Variants in YARS1 observed in about 807,000 individuals in gnomAD.
YARS1 encodes the protein tyrosine--tRNA ligase, cytoplasmic.
Under a neutral mutation model 62.2 loss-of-function variants are expected in YARS1, and 36 were observed. That is an observed-to-expected ratio of 0.58 (90% confidence interval 0.44 to 0.76). YARS1 has a LOEUF of 0.76. Ranked by LOEUF, YARS1 falls within the 30% of genes least tolerant of loss-of-function variation. The pLI is 0.00. For synonymous variants in YARS1, 234 were observed against 244.9 expected (o/e 0.96, Z 0.42); for missense variants, 524 against 639.8 (o/e 0.82, Z 1.95).
chr1:32,790,341 T>A (rs1192531531), intron 6 of YARS1, among the ~76,000 whole-genome samples: 2 of 149,750 alleles, frequency 1.3e-5, no homozygotes, highest in African/African-American at 4.9e-5. Flanking sequence ...ACCCCATCTC[T>A]ACTAAAAAAA....
At chr1:32,781,540 C>A in intron 9 of YARS1, 1 of 178,746 alleles carries the variant, frequency 5.6e-6, no homozygotes, top group Non-Finnish European at 1.2e-5. Context: ...GCAACAGAGC[C>A]AGACTCTGTC....
At chr1:32,813,048 G>A (rs924777565) in intron 1 of YARS1, among the ~76,000 whole-genome samples, 4 of 151,434 alleles carry the variant, frequency 2.6e-5, no homozygotes, top group African/African-American at 9.7e-5. Context: ...TTCAGGCAGA[G>A]TTTAACTCTT....
intron 1 of YARS1, among the ~76,000 whole-genome samples, chr1:32,815,444 G>A (rs1459362925): frequency 6.6e-6 from 1 of 152,172 alleles, no homozygotes; most frequent in South Asian, 2.1e-4. Flanking sequence ...TATGGAGAGA[G>A]AATAGGAAAC....
At chr1:32,785,045 A>G (rs1653175852) in intron 8 of YARS1, among the ~76,000 whole-genome samples, 1 of 152,198 alleles carries the variant, frequency 6.6e-6, no homozygotes, top group Admixed American at 6.5e-5. Flanking sequence ...CAGCCTGCTA[A>G]GTCATTTGGA....
At position 32,777,542 on chromosome 1, in the gene YARS1, C is replaced by T. The variant is rs552704978; in HGVS notation, c.1477-1451G>A. ...AGGAGAATTGCTTGAACCTGGGAGG[C>T]GGAGGTTGCAGTGAGCTGAGATTGT... On this transcript the variant is annotated intron_variant, in intron 12 of 12. Transcript: ENST00000373477. 5.0e-3 allele frequency among the ~76,000 whole-genome samples: 756 copies of T among 152,228 alleles called. 5 individuals are homozygous for T. The Middle Eastern group carries it at 0.061, about 12-fold the overall frequency.
At chr1:32,778,800 G>A (rs1490504001) in intron 12 of YARS1, among the ~76,000 whole-genome samples, 1 of 147,534 alleles carries the variant, frequency 6.8e-6, no homozygotes, top group Admixed American at 6.9e-5. Flanking sequence ...GTGCAATGGC[G>A]TGATCTTGGC....
chr1:32,792,875 A>T (rs1653457999), intron 5 of YARS1, among the ~76,000 whole-genome samples: 1 of 150,982 alleles, frequency 6.6e-6, no homozygotes, highest in South Asian at 2.1e-4. Flanking sequence ...GCGAGACTCC[A>T]TCTCAAAAAA....
intron 8 of YARS1, among the ~76,000 whole-genome samples, chr1:32,784,478 T>C (rs570036962): frequency 1.3e-5 from 2 of 152,172 alleles, no homozygotes; most frequent in African/African-American, 4.8e-5. Context: ...TTTTAGACTC[T>C]AGTCAGACCA....
At chr1:32,810,032 G>A (rs1177248937) in intron 3 of YARS1, among the ~76,000 whole-genome samples, 1 of 151,796 alleles carries the variant, frequency 6.6e-6, no homozygotes, top group African/African-American at 2.4e-5. Flanking sequence ...CTTGAACCCA[G>A]GAGGCAGAGG....
chr1:32,791,404 A>G (rs1368470499), intron 5 of YARS1, 150 bp from the exon 6 acceptor site: 1 of 707,422 alleles, frequency 1.4e-6, no homozygotes, highest in Non-Finnish European at 2.5e-6. Flanking sequence ...AGTGACTGTA[A>G]TTCAAGCGAA....
chr1:32,781,025 G>C (rs372979475), intron 10 of YARS1, 23 bp downstream of exon 10: 12 of 1,609,606 alleles, frequency 7.5e-6, no homozygotes, highest in Non-Finnish European at 1.0e-5. Flanking sequence ...CTGCCTCTCT[G>C]AGATGTGGTG....
intron 9 of YARS1, chr1:32,781,574 A>T (rs572994152): frequency 1.6e-3 from 273 of 174,568 alleles, no homozygotes; most frequent in African/African-American, 5.8e-3. Flanking sequence ...AAAAAAAAAA[A>T]TTTTACTGAG....
rs1652830721 is a variant in YARS1, at chr1:32,775,679, A to G, written c.*302T>C. 2.3e-6 allele frequency: 1 copy of G among 433,132 alleles called. No individual in the cohort carries two copies. Among genetic ancestry groups the G allele is most frequent in the Non-Finnish European group, 4.2e-6 (1 of 236,490 alleles). The allele number at this position is 433,132 out of a possible 1,614,324, so 26.8% of individuals were successfully genotyped here. On this transcript the variant is annotated 3_prime_UTR_variant, in exon 13 of 13. Transcript: ENST00000373477. Reference sequence around the variant, plus strand: ...TTTTTCCAATTATAAGGACTGTGGCATAAATTTTTAAATGAGTTATATTGA... The same window carrying G: ...TTTTTCCAATTATAAGGACTGTGGCGTAAATTTTTAAATGAGTTATATTGA...
In YARS1 at chr1:32,811,037, C is replaced by G; in HGVS notation, c.78G>C (p.Lys26Asn). ...RNLQEVLGEEKLKEILKEREL... is the reference protein window; with the variant it reads ...RNLQEVLGEENLKEILKEREL... ...CCCGCTCCTTCAGTATCTCCTTCAG[C>G]TTCTCTTCCCCCAGAACCTCCTATT... Residue 26 changes from lysine to asparagine, a missense_variant, in exon 2 of 13, where the codon AAG (lysine) becomes AAC (asparagine). Coordinates refer to ENST00000373477, the MANE Select transcript of YARS1 (RefSeq NM_003680.4). The G allele has an allele frequency of 6.2e-7, 1 of 1,614,194 alleles. No homozygotes were observed. The highest frequency in any genetic ancestry group is 8.5e-7 in the Non-Finnish European group (1 of 1,180,034).
rs1028059311 is a variant in YARS1, at chr1:32,791,091, G to C, written c.684+71C>G. 24 of 1,385,850 alleles carry C rather than the reference G, an allele frequency of 1.7e-5. No homozygotes were observed. In the African/African-American group the frequency reaches 3.0e-4, roughly 17 times the overall value. 85.8% of individuals were successfully genotyped at this position (1,385,850 alleles called of 1,614,324 possible). A position where few individuals can be genotyped will look rare whatever the true frequency, so the allele number is the denominator to read the frequency against. On this transcript the variant is annotated intron_variant, in intron 6 of 12. Coordinates refer to ENST00000373477, the MANE Select transcript of YARS1 (RefSeq NM_003680.4). Reference sequence around the variant, plus strand: ...GAGAATTCTAGTTAGCCAGGTCACTGTTCTTTTCAGTCCTCAATCTCTCCA... The same window carrying C: ...GAGAATTCTAGTTAGCCAGGTCACTCTTCTTTTCAGTCCTCAATCTCTCCA...
intron 5 of YARS1, chr1:32,797,446 A>C (rs182760843): frequency 2.3e-6 from 1 of 425,860 alleles, no homozygotes; most frequent in African/African-American, 2.0e-5. Context: ...AGTAGTTCCA[A>C]CTGGTAATGC....
intron 3 of YARS1, among the ~76,000 whole-genome samples, chr1:32,810,342 A>G (rs1000005241): frequency 2.0e-5 from 3 of 152,186 alleles, no homozygotes; most frequent in African/African-American, 7.2e-5. Flanking sequence ...CTGCAAGGCC[A>G]AGGACTTTGT....
intron 1 of YARS1, among the ~76,000 whole-genome samples, chr1:32,813,760 A>G (rs1017774060): frequency 6.6e-6 from 1 of 152,192 alleles, no homozygotes; most frequent in African/African-American, 2.4e-5. Flanking sequence ...TCATACTACT[A>G]AATTCCATAT....
intron 10 of YARS1, 95 bp from the exon 11 acceptor site, chr1:32,780,373 TAC>T: frequency 6.9e-7 from 1 of 1,450,806 alleles, no homozygotes; most frequent in Non-Finnish European, 9.6e-7. Context: ...ATCCACTCCT[TAC>T]AGAGGCCCCT....
Sources: gnomAD v4.1 joint callset for allele counts (sites outside exome capture counted in the v4.1 genomes callset) on GRCh38, gnomAD v4.1.1 for gene constraint, MANE v1.5 for transcripts, NCBI Gene and HGNC (gene_info 2026-07-23, HGNC 2026-07-21) for gene names.